Variants in FAM228B observed in about 807,000 individuals in gnomAD.
The protein encoded by FAM228B is family with sequence similarity 228 member B.
Under a neutral mutation model 42.6 loss-of-function variants are expected in FAM228B, and 38 were observed. That is an observed-to-expected ratio of 0.89 (90% CI 0.69 to 1.17). The LOEUF is 1.17. FAM228B is among the 50% of genes most tolerant of loss of function. The probability of loss-of-function intolerance (pLI) is 0.00; values close to 1 mark genes in which losing one functional copy is unlikely to be tolerated. For synonymous variants in FAM228B, 109 were observed against 122.3 expected, an observed-to-expected ratio of 0.89 and a Z score of 0.72; for missense variants, 344 against 367.3, an observed-to-expected ratio of 0.94 and a Z score of 0.52.
intron 1 of FAM228B, chr2:24,079,365 G>T: frequency 6.7e-7 from 1 of 1,483,840 alleles, no homozygotes; most frequent in Non-Finnish European, 9.2e-7. Context: ...CTAAGGTAGA[G>T]CTTCCTTTCT....
At chr2:24,115,925 A>G (rs1055365092) in intron 3 of FAM228B, among the ~76,000 whole-genome samples, 2 of 142,166 alleles carry the variant, frequency 1.4e-5, no homozygotes, top group African/African-American at 2.6e-5. Flanking sequence ...AAAAAAAAAA[A>G]GGATGAATAA....
chr2:24,087,199 A>G (rs549261096), intron 2 of FAM228B: 1 of 152,282 alleles, frequency 6.6e-6, no homozygotes, highest in African/African-American at 2.4e-5. Context: ...GGTTCCTACA[A>G]TAGCACTCCT....
chr2:24,155,529 A>T (rs199933014), intron 7 of FAM228B, among the ~76,000 whole-genome samples: 858 of 12,504 alleles, frequency 0.069, 16 homozygotes, highest in Middle Eastern at 0.17. Context: ...ATATATATAT[A>T]TATTTTTTTT....
rs898354172 is a variant in FAM228B at position 24,169,171 on chromosome 2, A to G, written c.*15-185A>G. Among the ~76,000 whole-genome samples, 3 of 152,164 alleles carry G rather than the reference A, an allele frequency of 2.0e-5. No homozygotes were observed. The highest frequency in any genetic ancestry group is 1.3e-4 in the Admixed American group (2 of 15,282). ...AATCTCTCAGTGCTTCTGACTCCAGACAGCGCGAGGAAAGGCTGAGGCAGG... is the reference window on the plus strand; with the variant it reads ...AATCTCTCAGTGCTTCTGACTCCAGGCAGCGCGAGGAAAGGCTGAGGCAGG... On this transcript the variant is annotated intron_variant, in intron 10 of 10. Transcript: ENST00000615575. This position sits in a 1 kb window ranked among gnomAD's most constrained non-coding sequence, Gnocchi z 4.2.
rs1666320500 is a variant in FAM228B, at chr2:24,126,814, AGGG to A, written c.99+2356_99+2358del. ...GTATTTTTACAAAAAAAAAGTAGAGAGGGGTTTCACCACGTTAGCCAGGATGGT... is the reference window on the plus strand; with the variant it reads ...GTATTTTTACAAAAAAAAAGTAGAGAGTTTCACCACGTTAGCCAGGATGGT... On this transcript the variant is annotated intron_variant, in intron 2 of 10. Transcript: ENST00000615575. 2.0e-3 allele frequency among the ~76,000 whole-genome samples: 68 copies of A among 34,084 alleles called. No homozygotes were observed. In the Admixed American group the frequency reaches 0.032, roughly 16 times the overall value. The allele number at this position is 34,084 out of a possible 152,430, so 22.4% of individuals were successfully genotyped here.
At position 24,084,611 on chromosome 2, in the gene FAM228B, G is replaced by A. The variant is rs1003467721; in HGVS notation, c.-210+3656G>A. The A allele has an allele frequency of 5.2e-6, 2 of 385,260 alleles. No homozygotes were observed. Among genetic ancestry groups the A allele is most frequent in the Non-Finnish European group, 9.3e-6 (2 of 214,716 alleles). 23.9% of individuals were successfully genotyped at this position (385,260 alleles called of 1,614,324 possible). A position where few individuals can be genotyped will look rare whatever the true frequency, so the allele number is the denominator to read the frequency against. On this transcript the variant is annotated intron_variant, in intron 2 of 10. Transcript: ENST00000613899. The surrounding 1 kb of genome is among the most constrained non-coding windows in gnomAD (Gnocchi z 8.4). ...GGGAACGGCGGGAAGTGGGATGGCG[G>A]TACAGGGCTGGATGCGGCAGAGCAG...
rs149923907 is a variant in FAM228B at position 24,139,037 on chromosome 2, C to T, written c.361-333C>T. Among the ~76,000 whole-genome samples, 761 of 151,786 alleles carry T rather than the reference C, an allele frequency of 5.0e-3. 7 individuals are homozygous for T. The highest frequency in any genetic ancestry group is 0.018 in the African/African-American group (735 of 41,430). On this transcript the variant is annotated intron_variant, in intron 4 of 10. Coordinates refer to ENST00000615575, the MANE Select transcript of FAM228B (RefSeq NM_001145710.2). ...TTTTGTTCTGGAACTTGATTATTTG[C>T]GAAGCTCTAAAATATAGCTGTTCTT...
At chr2:24,139,508 C>A in intron 5 of FAM228B, 58 bp downstream of exon 5, 2 of 1,025,532 alleles carry the variant, frequency 2.0e-6, no homozygotes, top group Non-Finnish European at 1.5e-6. Context: ...TTTTGAGCAG[C>A]CCTAATATAT....
chr2:24,091,409 C>T (rs2150991732), intron 2 of FAM228B, among the ~76,000 whole-genome samples: 1 of 152,226 alleles, frequency 6.6e-6, no homozygotes, highest in African/African-American at 2.4e-5. Context: ...CCAGCCTGGG[C>T]AACAGAGTGA....
chr2:24,084,169 C>T lies in FAM228B; in HGVS notation c.-210+3214C>T, dbSNP rs1361342966. The T allele has an allele frequency of 9.4e-6, 15 of 1,598,758 alleles. No homozygotes were observed. In the Admixed American group the frequency reaches 1.9e-4, roughly 20 times the overall value. ...GGCTCTGGAGTCCCGCCCGCCCCGG[C>T]GCGGCTGAGCCCTGGGTACCTGCAT... On this transcript the variant is annotated intron_variant, in intron 2 of 10. Transcript: ENST00000613899. This position sits in a 1 kb window ranked among gnomAD's most constrained non-coding sequence, Gnocchi z 8.4.
At chr2:24,122,201 G>A (rs575254932), upstream of FAM228B, among the ~76,000 whole-genome samples, 4 of 151,988 alleles carry the variant, frequency 2.6e-5, no homozygotes, top group South Asian at 2.1e-4. Context: ...GCCTGGTAGC[G>A]CACTCCTGTA....
intron 7 of FAM228B, among the ~76,000 whole-genome samples, chr2:24,155,525 ATATATATTTT>A (rs1201083420): frequency 8.3e-4 from 40 of 48,284 alleles, no homozygotes; most frequent in African/African-American, 3.5e-3. Context: ...ATATATATAT[ATATATATTTT>A]TTTTTTTTTT....
chr2:24,165,529 GTC>G (rs1667383794), intron 9 of FAM228B: 1 of 467,812 alleles, frequency 2.1e-6, no homozygotes. Context: ...GTCTGCTGTT[GTC>G]TCTGCAGCCC....
chr2:24,134,138 A>C (rs1666522615), intron 2 of FAM228B, among the ~76,000 whole-genome samples: 1 of 152,184 alleles, frequency 6.6e-6, no homozygotes, highest in Admixed American at 6.5e-5. Flanking sequence ...TTTAATTATA[A>C]TTTTACATTT....
chr2:24,098,692 C>T (rs1469890924), intron 3 of FAM228B, among the ~76,000 whole-genome samples: 1 of 152,222 alleles, frequency 6.6e-6, no homozygotes, highest in African/African-American at 2.4e-5. Flanking sequence ...CAGCCAAATT[C>T]TACCAGAGGT....
chr2:24,145,245 C>T (rs1666865687), intron 5 of FAM228B, among the ~76,000 whole-genome samples: 1 of 152,198 alleles, frequency 6.6e-6, no homozygotes, highest in South Asian at 2.1e-4. Context: ...CACCCTTGGC[C>T]TGCCACTGCT....
chr2:24,121,323 G>A, upstream of FAM228B: 1 of 1,603,500 alleles, frequency 6.2e-7, no homozygotes, highest in Non-Finnish European at 8.5e-7. Context: ...CATGGTTAGA[G>A]CAGGAGTCAG....
In FAM228B at chr2:24,161,566, T is replaced by G; in HGVS notation, c.747T>G (p.Ala249=). 1 of 1,548,394 alleles carries G rather than the reference T, an allele frequency of 6.5e-7. No individual in the cohort carries two copies. The highest frequency in any genetic ancestry group is 8.7e-7 in the Non-Finnish European group (1 of 1,143,888). The change falls in exon 8 of 11, where the codon GCT becomes GCG. Residue 249 remains alanine (A), a synonymous_variant. Transcript: ENST00000615575. Reference sequence around the variant, plus strand: ...TTGATTTGAAACCTTTGGCAAGAGCTCCTTATCTTTTGGAATCCCAGGAAG... The same window carrying G: ...TTGATTTGAAACCTTTGGCAAGAGCGCCTTATCTTTTGGAATCCCAGGAAG... ...CSFDLKPLAR[A]PYLLESQEEE...
Position 24,080,054 on chromosome 2 carries a change from T to C in FAM228B, c.-289-822T>C, listed in dbSNP as rs186260667. Among the ~76,000 whole-genome samples, 7 of 152,248 alleles carry C rather than the reference T, an allele frequency of 4.6e-5. No homozygotes were observed. The East Asian group carries it at 1.4e-3, about 29-fold the overall frequency. The stretch of plus-strand genomic sequence containing the variant: ...CTAGCTTTGGTTTCATCTCTCCTTT[T>C]CTACTCACATAAAAAATGGAGGCCA... On this transcript the variant is annotated intron_variant, in intron 1 of 10. Coordinates refer to the FAM228B transcript ENST00000613899. The surrounding 1 kb of genome is among the most constrained non-coding windows in gnomAD (Gnocchi z 4.7).
Sources: allele counts gnomAD v4.1 joint callset (sites outside exome capture counted in the v4.1 genomes callset), GRCh38; gene constraint gnomAD v4.1.1; non-coding constraint Gnocchi (gnomAD v3.1); transcripts MANE v1.5; gene names NCBI Gene and HGNC (gene_info 2026-07-23, HGNC 2026-07-21).